Variants in ITGAE observed in about 807,000 individuals in gnomAD.
The protein encoded by ITGAE is integrin subunit alpha E.
Under a neutral mutation model 136.5 loss-of-function variants are expected in ITGAE, and 99 were observed. That is an observed-to-expected ratio of 0.73 (90% confidence interval 0.62 to 0.86). The LOEUF (loss-of-function observed/expected upper bound fraction) is 0.86. Ranked by LOEUF, ITGAE falls within the 40% of genes least tolerant of loss-of-function variation. The pLI, the probability that ITGAE is intolerant of heterozygous loss-of-function variation, is 0.00. For synonymous variants in ITGAE, 613 were observed against 591.8 expected (o/e 1.04, Z -0.52); for missense variants, 1,447 against 1,515.3 (o/e 0.95, Z 0.75).
At chr17:3,791,908 G>A (rs1946425618) in intron 1 of ITGAE, among the ~76,000 whole-genome samples, 6 of 152,114 alleles carry the variant, frequency 3.9e-5, no homozygotes, top group Admixed American at 2.6e-4. Flanking sequence ...TGTGTCATCC[G>A]CTTGATGGAC....
chr17:3,732,196 TC>T lies in ITGAE; in HGVS notation c.2754+171del, dbSNP rs533368366. 9.2e-5 allele frequency among the ~76,000 whole-genome samples: 14 copies of T among 152,208 alleles called. No homozygotes were observed. The South Asian group carries it at 2.3e-3, about 25-fold the overall frequency. ...AGGGCTGTGTACTGGAAAGCTCTCG[TC>T]CCCATCACCCCCTACTTTCAGAGCC... is the stretch of plus-strand genomic sequence containing the variant. On this transcript the variant is annotated intron_variant, in intron 22 of 30. Coordinates refer to ENST00000263087, the MANE Select transcript of ITGAE (RefSeq NM_002208.5).
intron 1 of ITGAE, among the ~76,000 whole-genome samples, chr17:3,796,001 C>CTG (rs2053073774): frequency 1.4e-4 from 11 of 79,372 alleles, no homozygotes; most frequent in African/African-American, 3.1e-4. Context: ...GTGTGTGCAT[C>CTG]CGTGTGTGCA....
intron 22 of ITGAE, 81 bp downstream of exon 22, chr17:3,732,287 G>T: frequency 1.9e-6 from 2 of 1,055,108 alleles, no homozygotes; most frequent in Non-Finnish European, 3.0e-6. Flanking sequence ...AGCTGGAACC[G>T]AGAGATTGAG....
In ITGAE at chr17:3,801,127, A is replaced by C; in HGVS notation, c.18T>G (p.Thr6=). 6.2e-7 allele frequency: 1 copy of C among 1,612,312 alleles called. No homozygotes were observed. The highest frequency in any genetic ancestry group is 2.2e-5 in the East Asian group (1 of 44,892). Residue 6 remains threonine (T), a synonymous_variant, in exon 1 of 31, where the codon ACT becomes ACG. Transcript: ENST00000263087. The part of the protein sequence containing the change: MWLFH[T]LLCIASLALL... ...AGGACTTACTGGCTATGCAGAGCAG[A>C]GTGTGGAAGAGCCACATCCTTGCTG... is the stretch of plus-strand genomic sequence containing the variant.
At chr17:3,731,473 C>A (rs1276754625) in intron 22 of ITGAE, among the ~76,000 whole-genome samples, 2 of 151,580 alleles carry the variant, frequency 1.3e-5, no homozygotes, top group Admixed American at 6.6e-5. Context: ...TCCCAAGTAG[C>A]TGGGATTACA....
chr17:3,757,856 G>A lies in ITGAE; in HGVS notation c.870C>T (p.Asp290=), dbSNP rs1224717575. 5.6e-6 allele frequency: 9 copies of A among 1,614,138 alleles called. No homozygotes were observed. Among genetic ancestry groups the A allele is most frequent in the Non-Finnish European group, 7.6e-6 (9 of 1,180,022 alleles). Residue 290 remains aspartate (D), a synonymous_variant, in exon 9 of 31, where the codon GAC becomes GAT. Transcript: ENST00000263087. ...KTASAMQHVL[D]SIFTSSHGSR... ...AGCCGTGGCTTGAGGTGAAGATGCT[G>A]TCTCTAAGCAGGGGAGAGTAAATGA... is the stretch of plus-strand genomic sequence containing the variant.
chr17:3,756,925 G>A, intron 10 of ITGAE, 59 bp downstream of exon 10: 1 of 1,558,564 alleles, frequency 6.4e-7, no homozygotes, highest in Non-Finnish European at 8.7e-7. Context: ...ATGGGACAGA[G>A]GCCGGGCTGG....
At chr17:3,747,396 C>T (rs983826889) in intron 17 of ITGAE, among the ~76,000 whole-genome samples, 3 of 152,150 alleles carry the variant, frequency 2.0e-5, no homozygotes, top group African/African-American at 7.2e-5. Context: ...CAGCTCACTG[C>T]AAGCTCCGTC....
chr17:3,723,766 C>T, intron 26 of ITGAE, 22 bp from the exon 27 acceptor site: 3 of 1,604,886 alleles, frequency 1.9e-6, no homozygotes, highest in Non-Finnish European at 8.5e-7. Flanking sequence ...GCCATGACCG[C>T]GACGCGCTGA....
At chr17:3,764,059 A>T (rs745333068) in intron 2 of ITGAE, 99 bp from the exon 3 acceptor site, 5 of 790,360 alleles carry the variant, frequency 6.3e-6, no homozygotes, top group Non-Finnish European at 1.0e-5. Flanking sequence ...CTGCACTCAC[A>T]AGCTCCCTGT....
At chr17:3,783,436 G>C (rs574260524) in intron 1 of ITGAE, among the ~76,000 whole-genome samples, 1 of 152,180 alleles carries the variant, frequency 6.6e-6, no homozygotes, top group Non-Finnish European at 1.5e-5. Context: ...GAGCCACCGC[G>C]CCTAGCCCCC....
intron 18 of ITGAE, among the ~76,000 whole-genome samples, chr17:3,744,382 T>TA (rs1171732060): frequency 1.3e-5 from 2 of 151,786 alleles, no homozygotes; most frequent in African/African-American, 4.8e-5. Flanking sequence ...CACAAAGGGG[T>TA]AAAGAACTGG....
At chr17:3,728,693 G>A (rs1244986857) in intron 24 of ITGAE, among the ~76,000 whole-genome samples, 2 of 150,436 alleles carry the variant, frequency 1.3e-5, no homozygotes, top group African/African-American at 4.9e-5. Flanking sequence ...GAATGAACTC[G>A]ACTGCTTTCA....
chr17:3,748,421 A>G (rs146640006), intron 16 of ITGAE, among the ~76,000 whole-genome samples: 27 of 152,276 alleles, frequency 1.8e-4, no homozygotes, highest in African/African-American at 6.3e-4. Flanking sequence ...CATCGTCTCT[A>G]CTAAAAAACT....
chr17:3,752,509 A>C (rs1016851627), intron 14 of ITGAE, among the ~76,000 whole-genome samples: 1 of 152,198 alleles, frequency 6.6e-6, no homozygotes. Context: ...TAATCTCATC[A>C]CTTTGGGAGG....
chr17:3,752,483 C>T (rs952240080), intron 14 of ITGAE, among the ~76,000 whole-genome samples: 6 of 152,290 alleles, frequency 3.9e-5, no homozygotes, highest in African/African-American at 7.2e-5. Flanking sequence ...CAGCTGGGCG[C>T]GGTGACTCAC....
Position 3,715,781 on chromosome 17 carries a change from G to A in ITGAE, c.3445-839C>T, listed in dbSNP as rs2050930687. 2.0e-5 allele frequency among the ~76,000 whole-genome samples: 3 copies of A among 152,106 alleles called. No homozygotes were observed. The South Asian group carries it at 6.2e-4, about 32-fold the overall frequency. On this transcript the variant is annotated intron_variant, in intron 30 of 30. Transcript: ENST00000263087. The stretch of plus-strand genomic sequence containing the variant: ...GGAGACTAAGATGGGAGGATCACCT[G>A]AGCCTAGGAGTACGAGGCTGCAGTG...
intron 1 of ITGAE, among the ~76,000 whole-genome samples, chr17:3,779,516 A>G (rs996165403): frequency 6.6e-6 from 1 of 151,700 alleles, no homozygotes; most frequent in African/African-American, 2.4e-5. Context: ...TTTAGTAGAG[A>G]CAGGGTTTCA....
chr17:3,766,158 C>T (rs1231008939), intron 2 of ITGAE, among the ~76,000 whole-genome samples: 3 of 151,988 alleles, frequency 2.0e-5, no homozygotes, highest in Non-Finnish European at 4.4e-5. Flanking sequence ...CTCAGGGGGA[C>T]GTTGAGGCAG....
Sources: gnomAD v4.1 joint callset for allele counts (sites outside exome capture counted in the v4.1 genomes callset) on GRCh38, gnomAD v4.1.1 for gene constraint, MANE v1.5 for transcripts, NCBI Gene and HGNC (gene_info 2026-07-23, HGNC 2026-07-21) for gene names.